Variants in HCN1 observed in about 807,000 individuals in gnomAD.
HCN1 encodes the protein potassium/sodium hyperpolarization-activated cyclic nucleotide-gated channel 1.
A neutral mutation model predicts 78.9 loss-of-function variants in HCN1; 13 were observed. That is an observed-to-expected ratio of 0.16 (90% CI 0.11 to 0.26). HCN1 has a LOEUF of 0.26. Ranked by LOEUF, HCN1 falls within the 10% of genes least tolerant of loss-of-function variation. HCN1 has a pLI of 1.00. For missense variants in HCN1, 810 were observed against 1,154.3 expected (o/e 0.70, Z 4.32); for synonymous variants, 552 against 455.5 (o/e 1.21, Z -2.70).
chr5:45,375,850 T>G (rs1326621343), intron 4 of HCN1, among the ~76,000 whole-genome samples: 1 of 119,722 alleles, frequency 8.4e-6, no homozygotes, highest in African/African-American at 3.3e-5. Context: ...TATAATATAA[T>G]ATTTTATGAT....
intron 2 of HCN1, among the ~76,000 whole-genome samples, chr5:45,603,840 T>A (rs1744672897): frequency 6.6e-6 from 1 of 152,128 alleles, no homozygotes; most frequent in Admixed American, 6.6e-5. Flanking sequence ...GAAGCTACAA[T>A]GTTAAGCATT....
intron 3 of HCN1, among the ~76,000 whole-genome samples, chr5:45,412,785 A>G (rs1203425883): frequency 6.6e-6 from 1 of 152,048 alleles, no homozygotes; most frequent in Non-Finnish European, 1.5e-5. Context: ...CGGATTGACA[A>G]AGGATGAAGA....
chr5:45,584,047 G>A (rs1166715802), intron 2 of HCN1, among the ~76,000 whole-genome samples: 18 of 152,112 alleles, frequency 1.2e-4, no homozygotes, highest in Admixed American at 2.6e-4. Context: ...TATTAGGTCC[G>A]CTTGCTGCAG....
At position 45,297,916 on chromosome 5, in the gene HCN1, T is replaced by C. The variant is rs1370748594; in HGVS notation, c.1618+5683A>G. Reference sequence around the variant, plus strand: ...TTTGACAATATCCAACACTCATTCATGATTAAAGAAAAACTTTTAGAAAAG... The same window carrying C: ...TTTGACAATATCCAACACTCATTCACGATTAAAGAAAAACTTTTAGAAAAG... On this transcript the variant is annotated intron_variant, in intron 6 of 7. Coordinates refer to ENST00000303230, the MANE Select transcript of HCN1 (RefSeq NM_021072.4). Among the ~76,000 whole-genome samples the C allele has an allele frequency of 4.6e-5, 7 of 152,108 alleles. No individual in the cohort carries two copies. In the East Asian group the frequency reaches 1.2e-3, roughly 25 times the overall value.
chr5:45,396,391 T>C, intron 4 of HCN1, 101 bp downstream of exon 4: 1 of 915,292 alleles, frequency 1.1e-6, no homozygotes, highest in Non-Finnish European at 1.7e-6. Flanking sequence ...TATCTCTTTT[T>C]TTTTTTTATA....
intron 7 of HCN1, among the ~76,000 whole-genome samples, chr5:45,266,026 T>C (rs1744849399): frequency 6.6e-6 from 1 of 151,882 alleles, no homozygotes; most frequent in African/African-American, 2.4e-5. Context: ...CAAAAAAAAG[T>C]AGAGAAGGGG....
intron 2 of HCN1, among the ~76,000 whole-genome samples, chr5:45,618,580 A>G (rs762265898): frequency 2.0e-4 from 30 of 152,276 alleles, no homozygotes; most frequent in South Asian, 4.1e-4. Context: ...GTTAGAGAAC[A>G]CGTGTAATTC....
At chr5:45,376,118 A>T (rs1196593892) in intron 4 of HCN1, among the ~76,000 whole-genome samples, 1 of 109,704 alleles carries the variant, frequency 9.1e-6, no homozygotes, top group Non-Finnish European at 1.7e-5. Context: ...TATAATATAT[A>T]ATATGTTATA....
At chr5:45,676,409 T>C (rs1746267167) in intron 1 of HCN1, among the ~76,000 whole-genome samples, 1 of 151,762 alleles carries the variant, frequency 6.6e-6, no homozygotes, top group African/African-American at 2.4e-5. Flanking sequence ...AAGTAAAGTA[T>C]ATCCATAATT....
intron 2 of HCN1, among the ~76,000 whole-genome samples, chr5:45,473,921 C>T (rs566479685): frequency 3.0e-4 from 45 of 151,982 alleles, no homozygotes; most frequent in Admixed American, 7.2e-4. Context: ...TTGTAAGCCA[C>T]ATTTGGTTGA....
intron 4 of HCN1, among the ~76,000 whole-genome samples, chr5:45,379,511 T>C (rs536849841): frequency 7.9e-5 from 12 of 152,226 alleles, no homozygotes; most frequent in Non-Finnish European, 1.6e-4. Flanking sequence ...TAATGTCCAA[T>C]CTGGTATGAT....
rs1226294606 is a variant in HCN1, at chr5:45,255,903, A to T, written c.*6018T>A. 1 of 152,196 alleles carries T rather than the reference A, an allele frequency of 6.6e-6. No individual in the cohort carries two copies. Among genetic ancestry groups the T allele is most frequent in the Non-Finnish European group, 1.5e-5 (1 of 68,040 alleles). 9.4% of individuals were successfully genotyped at this position (152,196 alleles called of 1,614,324 possible). A position where few individuals can be genotyped will look rare whatever the true frequency, so the allele number is the denominator to read the frequency against. ...TTTTTGCAAAATTCCGTTATTTAAA[A>T]AAAAAAGTCTGAATAACTCTACGTT... On this transcript the variant is annotated 3_prime_UTR_variant, in exon 8 of 8. Transcript: ENST00000303230.
chr5:45,388,967 C>G (rs1747983558), intron 4 of HCN1, among the ~76,000 whole-genome samples: 1 of 152,152 alleles, frequency 6.6e-6, no homozygotes, highest in African/African-American at 2.4e-5. Flanking sequence ...GAAGACCAGG[C>G]CAGTTTTGCC....
intron 3 of HCN1, among the ~76,000 whole-genome samples, chr5:45,424,119 C>CAAAA (rs35117761): frequency 2.1e-4 from 14 of 67,960 alleles, no homozygotes; most frequent in Non-Finnish European, 3.0e-4. Flanking sequence ...ACTAAAAATC[C>CAAAA]AAAAAAAAAA....
At chr5:45,357,550 G>A in intron 4 of HCN1, among the ~76,000 whole-genome samples, 1 of 151,876 alleles carries the variant, frequency 6.6e-6, no homozygotes, top group Middle Eastern at 3.4e-3. Context: ...AATATTTTTA[G>A]TTTAAAAATA....
At chr5:45,447,287 T>G (rs1291552035) in intron 3 of HCN1, among the ~76,000 whole-genome samples, 2 of 152,052 alleles carry the variant, frequency 1.3e-5, no homozygotes, top group African/African-American at 2.4e-5. Context: ...TCACTTAGGG[T>G]GAAATGATGC....
At chr5:45,674,603 CTTAAT>C (rs917105562) in intron 1 of HCN1, among the ~76,000 whole-genome samples, 5 of 151,722 alleles carry the variant, frequency 3.3e-5, no homozygotes, top group African/African-American at 9.7e-5. Flanking sequence ...ACAACTTACA[CTTAAT>C]TTAATATCAA....
chr5:45,397,586 C>A (rs1739712389), intron 3 of HCN1, among the ~76,000 whole-genome samples: 1 of 151,082 alleles, frequency 6.6e-6, no homozygotes, highest in Non-Finnish European at 1.5e-5. Context: ...TTATAAAAGC[C>A]AGAGCAAAAT....
chr5:45,356,079 T>C (rs1183322583), intron 4 of HCN1, among the ~76,000 whole-genome samples: 2 of 151,988 alleles, frequency 1.3e-5, no homozygotes, highest in African/African-American at 4.8e-5. Flanking sequence ...AGACACTTAG[T>C]AGTGGTAGTC....
Sources: gnomAD v4.1 joint callset for allele counts (sites outside exome capture counted in the v4.1 genomes callset) on GRCh38, gnomAD v4.1.1 for gene constraint, MANE v1.5 for transcripts, NCBI Gene and HGNC (gene_info 2026-07-23, HGNC 2026-07-21) for gene names.